The following PDE1C variants were observed in gnomAD, a reference collection of about 807,000 sequenced individuals.
PDE1C encodes phosphodiesterase 1C, also known as dual specificity calcium/calmodulin-dependent 3',5'-cyclic nucleotide phosphodiesterase 1C.
PDE1C carries 62 observed loss-of-function variants against 93.1 expected under a neutral mutation model. That is an observed-to-expected ratio of 0.67 (90% CI 0.54 to 0.82). The LOEUF is 0.82. Among genes scored for constraint, PDE1C ranks in the 40% least tolerant of loss-of-function variants. The pLI is 0.00. For missense variants in PDE1C, 742 were observed against 884.6 expected (o/e 0.84, Z 2.04); for synonymous variants, 325 against 310.1 (o/e 1.05, Z -0.50).
rs184321561 is a variant in PDE1C at position 32,039,120 on chromosome 7, T to C, written c.128+12434A>G. 2.6e-5 allele frequency among the ~76,000 whole-genome samples: 4 copies of C among 152,286 alleles called. No individual in the cohort carries two copies. In the East Asian group the frequency reaches 7.7e-4, roughly 29 times the overall value. Reference sequence around the variant, plus strand: ...CCTTCATTCCCAAATAGTAGCATTATGTCCTCTGAAGGAATGGGGCTTCTG... The same window carrying C: ...CCTTCATTCCCAAATAGTAGCATTACGTCCTCTGAAGGAATGGGGCTTCTG... On this transcript the variant is annotated intron_variant, in intron 2 of 17. Transcript: ENST00000396191.
chr7:32,124,241 G>A (rs924009026), intron 3 of PDE1C, among the ~76,000 whole-genome samples: 8 of 152,246 alleles, frequency 5.3e-5, no homozygotes, highest in Non-Finnish European at 1.5e-5. Flanking sequence ...ATCCTCATGG[G>A]TAGGAAGAAT....
chr7:31,641,264 G>C, the PDE1C span, among the ~76,000 whole-genome samples: 4 of 152,058 alleles, frequency 2.6e-5, no homozygotes, highest in Non-Finnish European at 4.4e-5. Flanking sequence ...TATCACTTAG[G>C]TACCAAATAC....
At chr7:31,831,876 G>T (rs1438684211) in intron 11 of PDE1C, among the ~76,000 whole-genome samples, 1 of 152,048 alleles carries the variant, frequency 6.6e-6, no homozygotes, top group Admixed American at 6.6e-5. Flanking sequence ...CAGGAATAAA[G>T]AACTTCAAAC....
intron 1 of PDE1C, among the ~76,000 whole-genome samples, chr7:32,231,160 A>C (rs886589920): frequency 1.3e-5 from 2 of 152,232 alleles, no homozygotes; most frequent in African/African-American, 4.8e-5. Flanking sequence ...CTCAGTCAAA[A>C]TATTATCCAG....
At chr7:31,805,130 C>T (rs1007961156) in intron 16 of PDE1C, among the ~76,000 whole-genome samples, 4 of 151,708 alleles carry the variant, frequency 2.6e-5, no homozygotes, top group African/African-American at 9.7e-5. Flanking sequence ...TTTGCTCCTC[C>T]TTTGCCTTCC....
intron 1 of PDE1C, among the ~76,000 whole-genome samples, chr7:32,308,771 A>C (rs981214435): frequency 1.2e-4 from 19 of 152,188 alleles, no homozygotes; most frequent in Non-Finnish European, 2.4e-4. Flanking sequence ...TCAAAGACCA[A>C]AAGTAGGTAA....
rs1245618495 is a variant in PDE1C at position 32,350,576 on chromosome 7, ATATATATATATATATTTT to A, written c.310+77228_310+77245del. Among the ~76,000 whole-genome samples the A allele has an allele frequency of 6.9e-3, 6 of 874 alleles. 1 individual carries two copies. Among genetic ancestry groups the A allele is most frequent in the Non-Finnish European group, 0.031 (4 of 128 alleles). The allele number at this position is 874 out of a possible 152,430, so 0.6% of individuals were successfully genotyped here. ...TATATATATATATATATATATATATATATATATATATATATTTTTTTTTTTTTTTTTATTATACTCTAA... is the reference window on the plus strand; with the variant it reads ...TATATATATATATATATATATATATATTTTTTTTTTTTTATTATACTCTAA... On this transcript the variant is annotated intron_variant, in intron 1 of 1. Transcript: ENST00000672256.
intron 3 of PDE1C, among the ~76,000 whole-genome samples, chr7:32,105,875 A>G (rs1350618903): frequency 1.3e-5 from 2 of 152,074 alleles, no homozygotes; most frequent in Non-Finnish European, 2.9e-5. Flanking sequence ...GAAAAGTCCA[A>G]CTACACTATA....
At chr7:32,326,504 GC>G (rs1300394841) in intron 1 of PDE1C, among the ~76,000 whole-genome samples, 1 of 152,202 alleles carries the variant, frequency 6.6e-6, no homozygotes, top group Non-Finnish European at 1.5e-5. Flanking sequence ...AGATTACAGT[GC>G]CTCGGAAACC....
chr7:31,990,686 T>A (rs1000530526), intron 2 of PDE1C, among the ~76,000 whole-genome samples: 7 of 152,196 alleles, frequency 4.6e-5, no homozygotes, highest in African/African-American at 1.7e-4. Context: ...ACAACCAAAA[T>A]TAATACAAAT....
intron 2 of PDE1C, among the ~76,000 whole-genome samples, chr7:32,045,475 GATTT>G (rs950356767): frequency 2.0e-5 from 3 of 152,156 alleles, no homozygotes; most frequent in African/African-American, 7.2e-5. Flanking sequence ...TTTGTAAAGG[GATTT>G]ATCTCTTGGA....
intron 1 of PDE1C, among the ~76,000 whole-genome samples, chr7:32,389,190 G>GTGTGTGTGTGT (rs3079660): frequency 8.2e-4 from 105 of 127,840 alleles, no homozygotes; most frequent in African/African-American, 2.8e-3. Flanking sequence ...GTGTGTGTGT[G>GTGTGTGTGTGT]GTTTTTTTGG....
At chr7:31,621,876 G>C in the PDE1C span, among the ~76,000 whole-genome samples, 1 of 151,806 alleles carries the variant, frequency 6.6e-6, no homozygotes, top group Non-Finnish European at 1.5e-5. Context: ...CACATGCAGA[G>C]ACACATAGGC....
At chr7:31,937,131 C>T (rs2128992206) in intron 2 of PDE1C, among the ~76,000 whole-genome samples, 1 of 152,092 alleles carries the variant, frequency 6.6e-6, no homozygotes, top group African/African-American at 2.4e-5. Context: ...GTAGACAAAG[C>T]CTCCCTGTAG....
intron 1 of PDE1C, among the ~76,000 whole-genome samples, chr7:32,330,479 A>G (rs1044769083): frequency 6.6e-6 from 1 of 152,266 alleles, no homozygotes; most frequent in Non-Finnish European, 1.5e-5. Flanking sequence ...AATTGATATC[A>G]TCACAGAGTT....
At chr7:32,236,967 G>A (rs1036163987) in intron 1 of PDE1C, among the ~76,000 whole-genome samples, 2 of 151,678 alleles carry the variant, frequency 1.3e-5, no homozygotes, top group African/African-American at 2.4e-5. Context: ...GCCATACAAA[G>A]GAGAAAGCTA....
intron 1 of PDE1C, among the ~76,000 whole-genome samples, chr7:32,360,250 G>A (rs1243372120): frequency 3.3e-5 from 5 of 152,166 alleles, no homozygotes; most frequent in Admixed American, 1.3e-4. Context: ...TTGTCTTTGC[G>A]ATCTATAAAG....
chr7:31,977,259 G>A (rs1811789340), intron 2 of PDE1C, among the ~76,000 whole-genome samples: 1 of 152,134 alleles, frequency 6.6e-6, no homozygotes, highest in African/African-American at 2.4e-5. Context: ...GACCTGAGCT[G>A]ACATGCCCTC....
At chr7:32,373,648 A>C (rs564347038) in intron 1 of PDE1C, among the ~76,000 whole-genome samples, 2 of 152,340 alleles carry the variant, frequency 1.3e-5, no homozygotes, top group South Asian at 4.1e-4. Flanking sequence ...TATCTCAATA[A>C]AACCTTTTTA....
Sources: gnomAD v4.1 joint callset for allele counts (sites outside exome capture counted in the v4.1 genomes callset) on GRCh38, gnomAD v4.1.1 for gene constraint, MANE v1.5 for transcripts, NCBI Gene and HGNC (gene_info 2026-07-23, HGNC 2026-07-21) for gene names.